BRINP3: variants seen among roughly 807,000 people sequenced by gnomAD.
The protein encoded by BRINP3 is BMP/retinoic acid-inducible neural-specific protein 3.
BRINP3 carries 19 observed loss-of-function variants against 71.0 expected under a neutral mutation model. The observed-to-expected ratio is 0.27, with a 90% CI of 0.19 to 0.39. The LOEUF is 0.39. Ranked by LOEUF, BRINP3 falls within the 10% of genes least tolerant of loss-of-function variation. The pLI is 1.00. For missense variants in BRINP3, 959 were observed against 940.8 expected, an observed-to-expected ratio of 1.02 and a Z score of -0.25; for synonymous variants, 380 against 337.7, an observed-to-expected ratio of 1.13 and a Z score of -1.37.
chr1:190,433,227 C>T (rs1674221630), intron 2 of BRINP3, among the ~76,000 whole-genome samples: 2 of 152,082 alleles, frequency 1.3e-5, no homozygotes, highest in African/African-American at 4.8e-5. Context: ...CTCTGTAATC[C>T]ATTCTCTTCA....
At chr1:190,255,340 A>G (rs1254281712) in intron 4 of BRINP3, among the ~76,000 whole-genome samples, 1 of 151,846 alleles carries the variant, frequency 6.6e-6, no homozygotes, top group African/African-American at 2.4e-5. Context: ...ATTGATTGGA[A>G]TGGTTTCAGA....
intron 2 of BRINP3, among the ~76,000 whole-genome samples, chr1:190,310,208 T>A (rs1665418545): frequency 6.6e-6 from 1 of 151,496 alleles, no homozygotes; most frequent in Non-Finnish European, 1.5e-5. Context: ...AAGAGGATTA[T>A]GTATTGAATG....
chr1:190,158,703 A>G (rs1300370025), intron 7 of BRINP3, among the ~76,000 whole-genome samples: 2 of 152,044 alleles, frequency 1.3e-5, no homozygotes, highest in Non-Finnish European at 2.9e-5. Flanking sequence ...AAACCAGAAA[A>G]AGAAAATGAC....
At chr1:190,252,843 A>G (rs764499352) in intron 4 of BRINP3, among the ~76,000 whole-genome samples, 1 of 151,932 alleles carries the variant, frequency 6.6e-6, no homozygotes, top group Non-Finnish European at 1.5e-5. Flanking sequence ...CAGGTTTGTT[A>G]CTTAGGTATA....
At chr1:190,477,410 AG>A (rs1489684007) in intron 1 of BRINP3, 37 bp downstream of exon 1, 16 of 152,262 alleles carry the variant, frequency 1.1e-4, no homozygotes, top group African/African-American at 3.9e-4. Flanking sequence ...AAATAGCAAT[AG>A]TTAAGTTTCT....
intron 7 of BRINP3, among the ~76,000 whole-genome samples, chr1:190,101,599 C>CTCTCCT (rs1441940784): frequency 6.6e-6 from 1 of 151,734 alleles, no homozygotes; most frequent in Non-Finnish European, 1.5e-5. Context: ...TTTCTCTGTC[C>CTCTCCT]TCTCCTGTTT....
intron 7 of BRINP3, among the ~76,000 whole-genome samples, chr1:190,133,425 C>T (rs1297779263): frequency 2.6e-5 from 4 of 152,034 alleles, no homozygotes; most frequent in African/African-American, 9.6e-5. Flanking sequence ...AGAATCCCCA[C>T]AAATCAGAGG....
At chr1:190,283,369 G>A (rs1182796744) in intron 2 of BRINP3, among the ~76,000 whole-genome samples, 1 of 151,862 alleles carries the variant, frequency 6.6e-6, no homozygotes, top group Non-Finnish European at 1.5e-5. Flanking sequence ...TGCTAGTGCT[G>A]CTCTTCTGGT....
intron 2 of BRINP3, among the ~76,000 whole-genome samples, chr1:190,361,340 T>C (rs1402387490): frequency 1.5e-5 from 2 of 133,614 alleles, no homozygotes; most frequent in Non-Finnish European, 3.3e-5. Flanking sequence ...GTAGATCATA[T>C]AAGAAATAGA....
At chr1:190,408,266 G>C (rs926027062) in intron 2 of BRINP3, among the ~76,000 whole-genome samples, 1 of 151,056 alleles carries the variant, frequency 6.6e-6, no homozygotes, top group Non-Finnish European at 1.5e-5. Context: ...GGATGGTCTC[G>C]ATCTCCTGAC....
chr1:190,272,799 T>C (rs947473200), intron 3 of BRINP3, among the ~76,000 whole-genome samples: 7 of 151,528 alleles, frequency 4.6e-5, no homozygotes, highest in African/African-American at 1.4e-4. Flanking sequence ...AATCCATGTA[T>C]ACAAAAGCTT....
At chr1:190,424,976 T>C (rs948138990) in intron 2 of BRINP3, among the ~76,000 whole-genome samples, 3 of 151,122 alleles carry the variant, frequency 2.0e-5, no homozygotes, top group African/African-American at 4.9e-5. Flanking sequence ...AAAGGGAAGA[T>C]GAATAAGAGG....
intron 7 of BRINP3, chr1:190,153,997 A>G: frequency 2.8e-6 from 2 of 714,944 alleles, no homozygotes; most frequent in Non-Finnish European, 3.4e-6. Flanking sequence ...ATAACAGTAC[A>G]ACATAAACAA....
chr1:190,424,960 C>T (rs916630750), intron 2 of BRINP3, among the ~76,000 whole-genome samples: 1 of 151,054 alleles, frequency 6.6e-6, no homozygotes, highest in East Asian at 1.9e-4. Flanking sequence ...AAAACAGGAT[C>T]CAATTAAAGG....
chr1:190,424,310 T>A (rs538460564), intron 2 of BRINP3, among the ~76,000 whole-genome samples: 16 of 151,698 alleles, frequency 1.1e-4, no homozygotes, highest in African/African-American at 2.7e-4. Context: ...TTCCAATCAT[T>A]CATAATCATA....
At chr1:190,406,417 T>C (rs1558257845) in intron 2 of BRINP3, among the ~76,000 whole-genome samples, 2 of 152,240 alleles carry the variant, frequency 1.3e-5, no homozygotes, top group Admixed American at 6.5e-5. Flanking sequence ...CTAGAGCCTA[T>C]ATTTTCGTAC....
rs144156815 is a variant in BRINP3, at chr1:190,311,331, C to T, written c.237-29581G>A. On this transcript the variant is annotated intron_variant, in intron 2 of 7. Transcript: ENST00000367462. ...AAAGCATCCAAGGCTACAGAAAAGA[C>T]CTGAGCACAGACATGGATAAATGAA... is the stretch of plus-strand genomic sequence containing the variant. Among the ~76,000 whole-genome samples the T allele has an allele frequency of 5.4e-3, 817 of 151,634 alleles. 4 individuals are homozygous for T. The highest frequency in any genetic ancestry group is 0.018 in the African/African-American group (749 of 41,442).
chr1:190,189,755 C>T (rs1028873924), intron 6 of BRINP3, among the ~76,000 whole-genome samples: 10 of 151,690 alleles, frequency 6.6e-5, no homozygotes, highest in African/African-American at 2.4e-4. Flanking sequence ...TTATAATTAC[C>T]ATTTCTTTAG....
Position 190,395,962 on chromosome 1 carries a change from A to T in BRINP3, c.236+58693T>A, listed in dbSNP as rs1056785681. ...TATAAGAAAAATAATGAAAGAAAAG[A>T]GCAGAAGGAAAGAAGGAAGGAAGGA... On this transcript the variant is annotated intron_variant, in intron 2 of 7. Transcript: ENST00000367462. Among the ~76,000 whole-genome samples the T allele has an allele frequency of 4.0e-5, 6 of 150,844 alleles. No individual in the cohort carries two copies. In the East Asian group the frequency reaches 1.2e-3, roughly 29 times the overall value.
Sources: allele counts gnomAD v4.1 joint callset (sites outside exome capture counted in the v4.1 genomes callset), GRCh38; gene constraint gnomAD v4.1.1; transcripts MANE v1.5; gene names NCBI Gene and HGNC (gene_info 2026-07-23, HGNC 2026-07-21).